RNASEH1: variants seen among roughly 807,000 people sequenced by gnomAD.
The protein encoded by RNASEH1 is ribonuclease H type II.
RNASEH1 carries 27 observed loss-of-function variants against 34.6 expected under a neutral mutation model. The observed-to-expected ratio is 0.78, with a 90% CI of 0.58 to 1.08. The LOEUF (loss-of-function observed/expected upper bound fraction) is 1.08, where lower values mean the gene tolerates loss of function less well. Among genes scored for constraint, RNASEH1 ranks in the 50% least tolerant of loss-of-function variants. RNASEH1 has a pLI of 0.00. For missense variants in RNASEH1, 349 were observed against 373.6 expected (o/e 0.93, Z 0.54); for synonymous variants, 162 against 138.4 (o/e 1.17, Z -1.20).
chr2:3,556,774 A>G lies in RNASEH1; in HGVS notation c.244+15T>C. The G allele has an allele frequency of 6.4e-7, 1 of 1,551,350 alleles. No homozygotes were observed. Among genetic ancestry groups the G allele is most frequent in the Non-Finnish European group, 8.9e-7 (1 of 1,122,674 alleles). On this transcript the variant is annotated intron_variant, in intron 2 of 7. Transcript: ENST00000315212. Reference sequence around the variant, plus strand: ...GAATAGGTTAAAATGTCACACTGATATGAGAGGTGACTACCTTCTGAAACT... The same window carrying G: ...GAATAGGTTAAAATGTCACACTGATGTGAGAGGTGACTACCTTCTGAAACT...
intron 2 of RNASEH1, among the ~76,000 whole-genome samples, 162 bp from the exon 3 acceptor site, chr2:3,552,470 C>G (rs903653830): frequency 1.1e-4 from 17 of 149,566 alleles, no homozygotes; most frequent in Admixed American, 1.1e-3. Flanking sequence ...TGACCCCCTC[C>G]ACGCCATCTC....
At chr2:3,554,788 GA>G (rs1481167518) in intron 2 of RNASEH1, among the ~76,000 whole-genome samples, 2 of 152,162 alleles carry the variant, frequency 1.3e-5, no homozygotes, top group Non-Finnish European at 2.9e-5. Context: ...TTAAGAAAAG[GA>G]AGTATCAGGA....
chr2:3,537,059 G>A (rs140414290), downstream of RNASEH1, among the ~76,000 whole-genome samples: 8 of 152,362 alleles, frequency 5.3e-5, no homozygotes, highest in East Asian at 1.5e-3. Context: ...GGGATTAGGG[G>A]TTTGACATGA....
rs1426887831 is a variant in RNASEH1, at chr2:3,544,090, T to G, written c.*1695A>C. On this transcript the variant is annotated 3_prime_UTR_variant, in exon 8 of 8. Coordinates refer to ENST00000315212, the MANE Select transcript of RNASEH1 (RefSeq NM_002936.6). ...TAAGTATAAAAAAGAAAACACTTTC[T>G]TAGAAAACCATTCCAGCTAATAAAG... Among the ~76,000 whole-genome samples the G allele has an allele frequency of 6.6e-6, 1 of 152,206 alleles. No homozygotes were observed. Among genetic ancestry groups the G allele is most frequent in the Non-Finnish European group, 1.5e-5 (1 of 68,042 alleles).
chr2:3,540,579 T>C (rs1022427750), downstream of RNASEH1, among the ~76,000 whole-genome samples: 2 of 152,182 alleles, frequency 1.3e-5, no homozygotes, highest in African/African-American at 4.8e-5. Flanking sequence ...TGGGTAATTT[T>C]TGTATTTTTA....
chr2:3,551,111 G>A (rs1659840438), intron 3 of RNASEH1, among the ~76,000 whole-genome samples: 2 of 152,274 alleles, frequency 1.3e-5, no homozygotes, highest in Admixed American at 6.5e-5. Flanking sequence ...TGTTAAAAGA[G>A]CTGGGCGAGA....
chr2:3,554,140 G>C (rs1558458828), intron 2 of RNASEH1, among the ~76,000 whole-genome samples: 1 of 152,194 alleles, frequency 6.6e-6, no homozygotes, highest in Non-Finnish European at 1.5e-5. Context: ...AGGGCGCCGG[G>C]CAACACTTGA....
chr2:3,534,722 T>C, the RNASEH1 span, among the ~76,000 whole-genome samples: 2 of 152,126 alleles, frequency 1.3e-5, no homozygotes, highest in Non-Finnish European at 1.5e-5. Context: ...TTGGGCCGAG[T>C]GAGGCCAGGC....
chr2:3,555,309 C>T (rs371857732), intron 2 of RNASEH1, among the ~76,000 whole-genome samples: 84 of 152,282 alleles, frequency 5.5e-4, no homozygotes, highest in African/African-American at 2.0e-3. Context: ...GGAAAAAAGT[C>T]GCCTTCCTTG....
Position 3,543,188 on chromosome 2 carries a change from C to T in RNASEH1, c.*2597G>A, listed in dbSNP as rs138017511. Among the ~76,000 whole-genome samples, 17 of 152,304 alleles carry T rather than the reference C, an allele frequency of 1.1e-4. No homozygotes were observed. The highest frequency in any genetic ancestry group is 1.9e-4 in the Non-Finnish European group (13 of 68,028). On this transcript the variant is annotated 3_prime_UTR_variant, in exon 8 of 8. Coordinates refer to ENST00000315212, the MANE Select transcript of RNASEH1 (RefSeq NM_002936.6). Reference sequence around the variant, plus strand: ...CATGCCTATGTGAGGTGGAGGCTGACCTGCAGTCAGTCTGGCCATGTACAT... The same window carrying T: ...CATGCCTATGTGAGGTGGAGGCTGATCTGCAGTCAGTCTGGCCATGTACAT...
chr2:3,558,180 C>T lies in RNASEH1; in HGVS notation c.81G>A (p.Met27Ile). The T allele has an allele frequency of 1.2e-6, 2 of 1,603,220 alleles. No homozygotes were observed. Among genetic ancestry groups the T allele is most frequent in the South Asian group, 1.1e-5 (1 of 89,686 alleles). Residue 27 changes from methionine (M) to isoleucine (I), a missense_variant, in exon 1 of 8, where the codon ATG (methionine) becomes ATA (isoleucine). Physicochemically the swap from Met to Ile is conservative, Grantham distance 10. This residue lies in a region of RNASEH1 where 256 missense variants were observed against 240.7 expected (regional missense o/e 1.06). Coordinates refer to ENST00000315212, the MANE Select transcript of RNASEH1 (RefSeq NM_002936.6). ...TGCGGCCCCTCCTCACGGCATAGAA[C>T]ATCCCGAACCCGCGAGAGCCGCGGC... ...PCRRGSRGFG[M>I]FYAVRRGRKT...
the RNASEH1 span, among the ~76,000 whole-genome samples, chr2:3,534,517 G>A: frequency 6.6e-6 from 1 of 152,250 alleles, no homozygotes; most frequent in African/African-American, 2.4e-5. Context: ...TGCGGTTCCT[G>A]GTGTCTCTGA....
At chr2:3,551,414 G>C (rs1460471823) in intron 3 of RNASEH1, among the ~76,000 whole-genome samples, 1 of 152,178 alleles carries the variant, frequency 6.6e-6, no homozygotes, top group Non-Finnish European at 1.5e-5. Flanking sequence ...GTCTGGAAAC[G>C]GCTCATCTCC....
At chr2:3,541,202 A>G (rs1246823241), downstream of RNASEH1, among the ~76,000 whole-genome samples, 6 of 151,672 alleles carry the variant, frequency 4.0e-5, no homozygotes, top group Admixed American at 2.6e-4. Flanking sequence ...AGTGGCGGGC[A>G]CCTGTAGTCC....
At chr2:3,556,112 T>C (rs1325682955) in intron 2 of RNASEH1, among the ~76,000 whole-genome samples, 1 of 151,642 alleles carries the variant, frequency 6.6e-6, no homozygotes, top group Admixed American at 6.6e-5. Flanking sequence ...AGGCAGAGAC[T>C]GCAGTGAGCC....
At chr2:3,551,926 C>A (rs1659960073) in intron 3 of RNASEH1, among the ~76,000 whole-genome samples, 1 of 152,212 alleles carries the variant, frequency 6.6e-6, no homozygotes, top group South Asian at 2.1e-4. Context: ...TACAGTTGTT[C>A]ATTTACATGT....
chr2:3,552,073 G>A, intron 3 of RNASEH1, 71 bp downstream of exon 3: 1 of 1,313,302 alleles, frequency 7.6e-7, no homozygotes, highest in Non-Finnish European at 1.1e-6. Context: ...CCCATCAAGT[G>A]GGAAACACCT....
At chr2:3,554,559 G>C (rs998360451) in intron 2 of RNASEH1, among the ~76,000 whole-genome samples, 1 of 152,212 alleles carries the variant, frequency 6.6e-6, no homozygotes, top group Admixed American at 6.5e-5. Flanking sequence ...ATACAGATCT[G>C]AATCATTAAA....
In RNASEH1 at chr2:3,547,924, TACTC is replaced by T. The variant is rs1215355153; in HGVS notation, c.774+3_774+6del. On this transcript the variant is annotated splice_donor_5th_base_variant and intron_variant, in intron 7 of 7. Coordinates refer to ENST00000315212, the MANE Select transcript of RNASEH1 (RefSeq NM_002936.6). ...GGCCATAGGACATGAACATTTAAGATACTCACCCACTGAATGTCCATCCCCTGGG... is the reference window on the plus strand; with the variant it reads ...GGCCATAGGACATGAACATTTAAGATACCCACTGAATGTCCATCCCCTGGG... 3.7e-6 allele frequency: 6 copies of T among 1,613,616 alleles called. No individual in the cohort carries two copies. The African/African-American group carries it at 4.0e-5, about 11-fold the overall frequency.
Sources: gnomAD v4.1 joint callset for allele counts (sites outside exome capture counted in the v4.1 genomes callset) on GRCh38, gnomAD v4.1.1 for gene constraint, gnomAD v4.1.1 regional missense constraint, MANE v1.5 for transcripts, NCBI Gene and HGNC (gene_info 2026-07-23, HGNC 2026-07-21) for gene names.